The following LARGE1 variants were observed in gnomAD, a reference collection of about 807,000 sequenced individuals.
The protein encoded by LARGE1 is xylosyl- and glucuronyltransferase LARGE1.
Under a neutral mutation model 87.6 loss-of-function variants are expected in LARGE1, and 43 were observed. That is an observed-to-expected ratio of 0.49 (90% CI 0.38 to 0.63). LARGE1 has a LOEUF of 0.63. Ranked by LOEUF, LARGE1 falls within the 30% of genes least tolerant of loss-of-function variation. LARGE1 has a pLI of 0.00. For missense variants in LARGE1, 802 were observed against 1,000.2 expected, an observed-to-expected ratio of 0.80 and a Z score of 2.67; for synonymous variants, 434 against 394.6, an observed-to-expected ratio of 1.10 and a Z score of -1.18.
At chr22:33,842,669 T>A (rs532395992) in intron 1 of LARGE1, among the ~76,000 whole-genome samples, 1 of 152,184 alleles carries the variant, frequency 6.6e-6, no homozygotes, top group East Asian at 1.9e-4. Context: ...AGCCCAGCAC[T>A]GCCCAACAGT....
At position 33,833,153 on chromosome 22, in the gene LARGE1, T is replaced by C. The variant is rs144486368; in HGVS notation, c.-82-71595A>G. On this transcript the variant is annotated intron_variant, in intron 1 of 14. Transcript: ENST00000397394. ...GCTGACTTTTATTTATGTTTACCTT[T>C]TATTACATTATCTCCTCAATTAGAT... is the stretch of plus-strand genomic sequence containing the variant. 2.6e-3 allele frequency among the ~76,000 whole-genome samples: 390 copies of C among 152,348 alleles called. 5 individuals carry two copies. The highest frequency in any genetic ancestry group is 8.8e-3 in the African/African-American group (366 of 41,574).
At chr22:33,779,625 C>T (rs1439247535) in intron 1 of LARGE1, among the ~76,000 whole-genome samples, 1 of 151,884 alleles carries the variant, frequency 6.6e-6, no homozygotes, top group Non-Finnish European at 1.5e-5. Context: ...ACTCAAAATA[C>T]AAAAATTGCC....
At chr22:33,250,237 T>C (rs1926950559) in intron 11 of LARGE1, among the ~76,000 whole-genome samples, 1 of 152,228 alleles carries the variant, frequency 6.6e-6, no homozygotes, top group African/African-American at 2.4e-5. Flanking sequence ...ACCTTATGCA[T>C]ATTTTGTTAG....
intron 6 of LARGE1, among the ~76,000 whole-genome samples, chr22:33,492,885 G>A (rs1032555279): frequency 6.6e-6 from 1 of 152,196 alleles, no homozygotes; most frequent in Non-Finnish European, 1.5e-5. Context: ...TCCACAGGGA[G>A]GGAGGAGGGA....
chr22:33,582,012 A>G (rs1162394376), intron 5 of LARGE1, among the ~76,000 whole-genome samples: 1 of 152,182 alleles, frequency 6.6e-6, no homozygotes, highest in African/African-American at 2.4e-5. Flanking sequence ...CTTCACAGTC[A>G]GCACCTGCCT....
At chr22:33,799,435 G>C (rs1017062758) in intron 1 of LARGE1, among the ~76,000 whole-genome samples, 10 of 150,852 alleles carry the variant, frequency 6.6e-5, no homozygotes, top group African/African-American at 1.2e-4. Context: ...AACATATACA[G>C]ATAAGAAACT....
chr22:33,777,680 G>A (rs2085290054), intron 1 of LARGE1, among the ~76,000 whole-genome samples: 1 of 86,954 alleles, frequency 1.2e-5, no homozygotes, highest in African/African-American at 5.6e-5. Context: ...GGAAGGAGAA[G>A]GAGAAGGGGA....
chr22:33,859,797 TAGA>T (rs1191313545), intron 1 of LARGE1, among the ~76,000 whole-genome samples: 1 of 152,096 alleles, frequency 6.6e-6, no homozygotes, highest in East Asian at 1.9e-4. Flanking sequence ...ACATATAAAG[TAGA>T]AGGAAATATC....
At chr22:33,906,195 A>C (rs1217134788) in intron 1 of LARGE1, among the ~76,000 whole-genome samples, 1 of 152,174 alleles carries the variant, frequency 6.6e-6, no homozygotes, top group Non-Finnish European at 1.5e-5. Flanking sequence ...GATAACCATG[A>C]AAGGAGGATT....
At chr22:33,227,756 C>T (rs1449270446) in intron 11 of LARGE1, among the ~76,000 whole-genome samples, 1 of 152,170 alleles carries the variant, frequency 6.6e-6, no homozygotes, top group Admixed American at 6.5e-5. Flanking sequence ...CTTAGCTGCA[C>T]AAGTAGTGTG....
At chr22:33,882,774 G>A (rs776619831) in intron 1 of LARGE1, among the ~76,000 whole-genome samples, 7 of 152,132 alleles carry the variant, frequency 4.6e-5, no homozygotes, top group Non-Finnish European at 8.8e-5. Flanking sequence ...AAATGGGCAG[G>A]AATTTTACTT....
At chr22:33,074,830 C>T in the LARGE1 span, among the ~76,000 whole-genome samples, 22 of 152,180 alleles carry the variant, frequency 1.4e-4, no homozygotes, top group Non-Finnish European at 2.8e-4. Flanking sequence ...GCCTGGATTA[C>T]TTTAGTCCAG....
chr22:33,758,872 C>G (rs1569430451), intron 2 of LARGE1, among the ~76,000 whole-genome samples: 1 of 152,186 alleles, frequency 6.6e-6, no homozygotes, highest in East Asian at 1.9e-4. Context: ...CATCCTGTGA[C>G]CAGAAATAGG....
chr22:33,703,715 G>A (rs963874814), intron 2 of LARGE1, among the ~76,000 whole-genome samples: 4 of 152,218 alleles, frequency 2.6e-5, no homozygotes, highest in Non-Finnish European at 5.9e-5. Context: ...AAAGGGCAAG[G>A]GGATGGGATT....
intron 1 of LARGE1, among the ~76,000 whole-genome samples, chr22:33,899,958 C>T (rs2065241433): frequency 6.6e-6 from 1 of 152,130 alleles, no homozygotes; most frequent in South Asian, 2.1e-4. Context: ...TTGTTTTTGG[C>T]TTATTTGTTT....
chr22:33,585,600 C>G (rs1408861531), intron 5 of LARGE1, among the ~76,000 whole-genome samples: 1 of 152,176 alleles, frequency 6.6e-6, no homozygotes, highest in Non-Finnish European at 1.5e-5. Flanking sequence ...ACCCCTCCAC[C>G]ATGAGGAGCC....
chr22:33,599,039 T>C (rs5999028), intron 5 of LARGE1, among the ~76,000 whole-genome samples: 13 of 152,256 alleles, frequency 8.5e-5, no homozygotes, highest in African/African-American at 3.1e-4. Context: ...AAAGAGGAAT[T>C]TTGAATTCAA....
chr22:33,392,883 G>C (rs2147225695), intron 7 of LARGE1, among the ~76,000 whole-genome samples: 1 of 152,150 alleles, frequency 6.6e-6, no homozygotes, highest in East Asian at 1.9e-4. Context: ...AAATGTACTG[G>C]ACAACTTGAA....
At chr22:33,346,925 G>C (rs751671664) in intron 9 of LARGE1, among the ~76,000 whole-genome samples, 10 of 152,108 alleles carry the variant, frequency 6.6e-5, no homozygotes, top group Non-Finnish European at 1.3e-4. Context: ...CTAATAAAAA[G>C]GTTCACATAT....
Sources: allele counts gnomAD v4.1 joint callset (sites outside exome capture counted in the v4.1 genomes callset), GRCh38; gene constraint gnomAD v4.1.1; transcripts MANE v1.5; gene names NCBI Gene and HGNC (gene_info 2026-07-23, HGNC 2026-07-21).